The following TAFA1 variants were observed in gnomAD, a reference collection of about 807,000 sequenced individuals.
TAFA1 encodes the protein chemokine-like protein TAFA-1.
Under a neutral mutation model 18.5 loss-of-function variants are expected in TAFA1, and 4 were observed. The ratio of observed to expected loss-of-function variants is 0.22; its 90% CI spans 0.11 to 0.49. The LOEUF is 0.49. Among genes scored for constraint, TAFA1 ranks in the 20% least tolerant of loss-of-function variants. TAFA1 has a pLI of 0.98. For synonymous variants in TAFA1, 56 were observed against 55.2 expected, an observed-to-expected ratio of 1.01 and a Z score of -0.06; for missense variants, 147 against 169.0, an observed-to-expected ratio of 0.87 and a Z score of 0.72.
At chr3:68,413,800 G>T (rs1468935357) in intron 2 of TAFA1, among the ~76,000 whole-genome samples, 2 of 152,050 alleles carry the variant, frequency 1.3e-5, no homozygotes, top group Admixed American at 6.6e-5. Context: ...TTGCTAAGGG[G>T]AGTATGATTT....
intron 2 of TAFA1, among the ~76,000 whole-genome samples, chr3:68,125,625 TG>T (rs2065454916): frequency 6.6e-6 from 1 of 152,184 alleles, no homozygotes; most frequent in Non-Finnish European, 1.5e-5. Context: ...CTGAAAGCCC[TG>T]GAAGCAGGCT....
At chr3:68,370,515 T>TATAC (rs1693069407) in intron 2 of TAFA1, among the ~76,000 whole-genome samples, 4 of 104,132 alleles carry the variant, frequency 3.8e-5, no homozygotes, top group Non-Finnish European at 5.7e-5. Flanking sequence ...TATATATATA[T>TATAC]ACCCACATAT....
intron 2 of TAFA1, among the ~76,000 whole-genome samples, chr3:68,288,218 C>T (rs2068048769): frequency 6.6e-6 from 1 of 152,172 alleles, no homozygotes; most frequent in African/African-American, 2.4e-5. Flanking sequence ...ACATATGCTG[C>T]TGCTCACTCC....
At chr3:68,099,096 G>A (rs1016778298) in intron 2 of TAFA1, among the ~76,000 whole-genome samples, 1 of 151,972 alleles carries the variant, frequency 6.6e-6, no homozygotes, top group African/African-American at 2.4e-5. Context: ...ATCAATCTTG[G>A]GAAAGAATTT....
the TAFA1 span, among the ~76,000 whole-genome samples, chr3:67,991,544 C>T: frequency 6.6e-6 from 1 of 152,198 alleles, no homozygotes; most frequent in African/African-American, 2.4e-5. Context: ...AAAAAGATTT[C>T]CTTTCTGTCT....
At chr3:68,370,468 GTGTGTATATATATA>G (rs1243521163) in intron 2 of TAFA1, among the ~76,000 whole-genome samples, 12 of 16,624 alleles carry the variant, frequency 7.2e-4, no homozygotes, top group Non-Finnish European at 9.2e-4. Flanking sequence ...GTGTGTGTGT[GTGTGTATATATATA>G]TATATATATA....
intron 3 of TAFA1, among the ~76,000 whole-genome samples, chr3:68,483,043 A>G (rs996581904): frequency 1.3e-5 from 2 of 152,144 alleles, no homozygotes; most frequent in African/African-American, 4.8e-5. Flanking sequence ...AGACATAGGG[A>G]AGACAGATAT....
chr3:68,331,358 G>C (rs1004294653), intron 2 of TAFA1, among the ~76,000 whole-genome samples: 1 of 152,134 alleles, frequency 6.6e-6, no homozygotes, highest in African/African-American at 2.4e-5. Flanking sequence ...TCTCAAACTA[G>C]ATAGTGGTGA....
intron 4 of TAFA1, among the ~76,000 whole-genome samples, chr3:68,540,590 T>C (rs2073356105): frequency 6.6e-6 from 1 of 152,346 alleles, no homozygotes. Context: ...AACACATTGC[T>C]GATATATTTC....
intron 2 of TAFA1, among the ~76,000 whole-genome samples, chr3:68,279,698 A>T (rs2067863950): frequency 6.6e-6 from 1 of 152,212 alleles, no homozygotes; most frequent in East Asian, 1.9e-4. Flanking sequence ...AAAGCATAGA[A>T]ATGCCAAGGA....
At chr3:68,129,356 A>G (rs1481439077) in intron 2 of TAFA1, among the ~76,000 whole-genome samples, 1 of 152,232 alleles carries the variant, frequency 6.6e-6, no homozygotes, top group African/African-American at 2.4e-5. Context: ...GCTGTATTGT[A>G]TAAAGGTGAG....
intron 2 of TAFA1, among the ~76,000 whole-genome samples, chr3:68,224,172 T>A (rs538249567): frequency 3.3e-5 from 5 of 152,022 alleles, no homozygotes; most frequent in Non-Finnish European, 7.4e-5. Flanking sequence ...CATGTATGAA[T>A]TGTCTTTGGT....
intron 2 of TAFA1, chr3:68,145,469 G>C: frequency 1.1e-6 from 1 of 885,958 alleles, no homozygotes; most frequent in East Asian, 2.4e-5. Flanking sequence ...ATGGCAAGTT[G>C]ATTCCACCAC....
intron 2 of TAFA1, among the ~76,000 whole-genome samples, chr3:68,415,051 T>G (rs1429097887): frequency 6.6e-6 from 1 of 152,180 alleles, no homozygotes; most frequent in Non-Finnish European, 1.5e-5. Flanking sequence ...AATATATGAT[T>G]AGCCCTATTC....
At chr3:68,022,819 ATAT>A (rs1704720686) in intron 2 of TAFA1, among the ~76,000 whole-genome samples, 1 of 83,196 alleles carries the variant, frequency 1.2e-5, no homozygotes, top group African/African-American at 5.2e-5. Context: ...TTATATATAT[ATAT>A]TATATATAAT....
intron 3 of TAFA1, among the ~76,000 whole-genome samples, chr3:68,479,528 A>C (rs1441410557): frequency 6.6e-6 from 1 of 152,068 alleles, no homozygotes; most frequent in Non-Finnish European, 1.5e-5. Flanking sequence ...GATTCAGTTG[A>C]ACAGTCTCTT....
intron 2 of TAFA1, among the ~76,000 whole-genome samples, chr3:68,062,738 G>C (rs2064620354): frequency 6.6e-6 from 1 of 152,132 alleles, no homozygotes; most frequent in Non-Finnish European, 1.5e-5. Context: ...GGTAATATTT[G>C]AATTATGAGT....
chr3:68,278,703 C>T (rs1389607628), intron 2 of TAFA1, among the ~76,000 whole-genome samples: 1 of 152,046 alleles, frequency 6.6e-6, no homozygotes, highest in Non-Finnish European at 1.5e-5. Context: ...TGCTTTATAC[C>T]TATGGTTCTC....
intron 2 of TAFA1, among the ~76,000 whole-genome samples, chr3:68,119,672 A>C (rs541335839): frequency 6.6e-6 from 1 of 152,308 alleles, no homozygotes; most frequent in African/African-American, 2.4e-5. Context: ...CCTTGTCAAA[A>C]ATCATTTGAG....
Sources: allele counts gnomAD v4.1 joint callset (sites outside exome capture counted in the v4.1 genomes callset), GRCh38; gene constraint gnomAD v4.1.1; transcripts MANE v1.5; gene names NCBI Gene and HGNC (gene_info 2026-07-23, HGNC 2026-07-21).